The following SPMIP5 variants were observed in gnomAD, a reference collection of about 807,000 sequenced individuals.
SPMIP5 encodes the protein sperm-associated microtubule inner protein 5.
chr10:116,663,941 C>G, the SPMIP5 span: 1 of 1,537,488 alleles, frequency 6.5e-7, no homozygotes, highest in Non-Finnish European at 8.7e-7. Context: ...GACAGTGGCT[C>G]TAGATACATC....
chr10:116,664,788 T>C, the SPMIP5 span: 2 of 1,614,172 alleles, frequency 1.2e-6, no homozygotes, highest in Non-Finnish European at 8.5e-7. Flanking sequence ...ATGTGCCTTC[T>C]TGGCCCTCTC....
the SPMIP5 span, among the ~76,000 whole-genome samples, chr10:116,668,933 G>A: frequency 1.5e-5 from 2 of 135,378 alleles, no homozygotes; most frequent in Admixed American, 7.4e-5. Context: ...GCACACACAT[G>A]CACACACACA....
At chr10:116,667,794 CA>C in the SPMIP5 span, among the ~76,000 whole-genome samples, 101 of 152,318 alleles carry the variant, frequency 6.6e-4, no homozygotes, top group African/African-American at 2.1e-3. Context: ...AAGTCCCAGG[CA>C]GTCCCAGGAC....
chr10:116,669,949 G>C, the SPMIP5 span: 2 of 152,292 alleles, frequency 1.3e-5, no homozygotes, highest in African/African-American at 2.4e-5. Flanking sequence ...GGCGCTATCC[G>C]GTGCCCACTT....
the SPMIP5 span, among the ~76,000 whole-genome samples, chr10:116,667,229 G>A: frequency 6.6e-6 from 1 of 152,110 alleles, no homozygotes; most frequent in Admixed American, 6.5e-5. Context: ...CAAGAACACT[G>A]GGGCCACCAG....
the SPMIP5 span, chr10:116,665,190 A>G: frequency 9.2e-7 from 1 of 1,081,520 alleles, no homozygotes. Context: ...TGAGGTCAGG[A>G]ATTTGAGACC....
chr10:116,667,244 T>C, the SPMIP5 span, among the ~76,000 whole-genome samples: 1 of 152,156 alleles, frequency 6.6e-6, no homozygotes, highest in African/African-American at 2.4e-5. Flanking sequence ...CACCAGAAGC[T>C]GGAAGAAGCA....
At chr10:116,668,391 G>A in the SPMIP5 span, 4 of 1,242,234 alleles carry the variant, frequency 3.2e-6, no homozygotes, top group East Asian at 5.6e-5. Flanking sequence ...AATTACTATT[G>A]AGTGTGCACA....
the SPMIP5 span, among the ~76,000 whole-genome samples, chr10:116,663,406 A>G: frequency 6.6e-6 from 1 of 152,124 alleles, no homozygotes; most frequent in Admixed American, 6.5e-5. Context: ...TGTTGTCTTA[A>G]GCCACCCAGT....
At chr10:116,664,056 G>C in the SPMIP5 span, 1 of 1,601,620 alleles carries the variant, frequency 6.2e-7, no homozygotes, top group Non-Finnish European at 8.5e-7. Flanking sequence ...TTCCATCTAG[G>C]AGAGGAACCG....
At chr10:116,663,306 A>C in the SPMIP5 span, among the ~76,000 whole-genome samples, 1 of 152,254 alleles carries the variant, frequency 6.6e-6, no homozygotes, top group East Asian at 1.9e-4. Flanking sequence ...TAGATGAGTA[A>C]GGATTCCCCA....
chr10:116,662,229 C>T, the SPMIP5 span, among the ~76,000 whole-genome samples: 2 of 148,902 alleles, frequency 1.3e-5, no homozygotes, highest in Non-Finnish European at 2.9e-5. Context: ...ACAGCCATTT[C>T]TTTATTCTTA....
At chr10:116,666,689 C>CA in the SPMIP5 span, among the ~76,000 whole-genome samples, 16 of 152,180 alleles carry the variant, frequency 1.1e-4, 1 homozygote, top group African/African-American at 2.9e-4. Context: ...TGTTGGAAGC[C>CA]TTCCATGCAT....
the SPMIP5 span, chr10:116,665,059 C>G: frequency 6.7e-7 from 1 of 1,497,154 alleles, no homozygotes; most frequent in Non-Finnish European, 8.8e-7. Context: ...GTTCTCAGAC[C>G]AGCACCCTCT....
the SPMIP5 span, chr10:116,664,737 G>C: frequency 6.2e-7 from 1 of 1,608,614 alleles, no homozygotes; most frequent in Non-Finnish European, 8.5e-7. Context: ...TTGTGCCTGG[G>C]GTACGGACCC....
chr10:116,663,861 T>C, the SPMIP5 span: 2 of 1,485,426 alleles, frequency 1.3e-6, no homozygotes, highest in South Asian at 2.6e-5. Context: ...TGGCAGGTTT[T>C]GGAAGCCCCA....
At chr10:116,669,162 G>C in the SPMIP5 span, among the ~76,000 whole-genome samples, 2 of 152,114 alleles carry the variant, frequency 1.3e-5, no homozygotes, top group African/African-American at 4.8e-5. Flanking sequence ...CCCCCAAGTG[G>C]GCTGAGGCCT....
At chr10:116,668,933 GCACACACACA>G in the SPMIP5 span, among the ~76,000 whole-genome samples, 282 of 135,374 alleles carry the variant, frequency 2.1e-3, 3 homozygotes, top group South Asian at 0.032. Context: ...GCACACACAT[GCACACACACA>G]CACACACACA....
chr10:116,668,933 G>GCACACACACACACACACACACACACACA, the SPMIP5 span, among the ~76,000 whole-genome samples: 41 of 135,374 alleles, frequency 3.0e-4, no homozygotes, highest in African/African-American at 7.3e-4. Context: ...GCACACACAT[G>GCACACACACACACACACACACACACACA]CACACACACA....
Sources: allele counts gnomAD v4.1 joint callset (sites outside exome capture counted in the v4.1 genomes callset), GRCh38; gene constraint gnomAD v4.1.1; transcripts MANE v1.5; gene names NCBI Gene and HGNC (gene_info 2026-07-23, HGNC 2026-07-21).